The following ITGA7 variants were observed in gnomAD, a reference collection of about 807,000 sequenced individuals.
ITGA7 encodes the protein integrin subunit alpha 7.
Under a neutral mutation model 131.6 loss-of-function variants are expected in ITGA7, and 84 were observed. That is an observed-to-expected ratio of 0.64 (90% confidence interval 0.54 to 0.77). ITGA7 has a LOEUF of 0.77. Ranked by LOEUF, ITGA7 falls within the 30% of genes least tolerant of loss-of-function variation. The pLI is 0.00. For missense variants in ITGA7, 1,399 were observed against 1,482.9 expected (o/e 0.94, Z 0.93); for synonymous variants, 548 against 600.7 (o/e 0.91, Z 1.28).
intron 1 of ITGA7, among the ~76,000 whole-genome samples, chr12:55,706,527 C>T (rs915258413): frequency 6.6e-6 from 1 of 152,042 alleles, no homozygotes; most frequent in Non-Finnish European, 1.5e-5. Flanking sequence ...GAGAAAAGCC[C>T]CCTAGCAGGA....
chr12:55,699,409 C>A (rs905576940), intron 5 of ITGA7: 6 of 283,978 alleles, frequency 2.1e-5, no homozygotes, highest in African/African-American at 8.8e-5. Flanking sequence ...GAGGGGGAGA[C>A]AAGGGGGAGT....
rs148089212 is a variant in ITGA7, at chr12:55,701,973, TAGAG to T, written c.415-823_415-820del. Among the ~76,000 whole-genome samples, 1,320 of 151,384 alleles carry T rather than the reference TAGAG, an allele frequency of 8.7e-3. 17 individuals are homozygous for T. The highest frequency in any genetic ancestry group is 0.03 in the African/African-American group (1,260 of 41,348). On this transcript the variant is annotated intron_variant, in intron 3 of 24. Transcript: ENST00000257879. ...TGTATCTATGCGTGTTACTGAAAGA[TAGAG>T]AGAGAGAGAGAAACAGAGAGCTCTG...
At chr12:55,687,647 C>T (rs948938288) in intron 24 of ITGA7, among the ~76,000 whole-genome samples, 10 of 151,792 alleles carry the variant, frequency 6.6e-5, no homozygotes, top group Non-Finnish European at 4.4e-5. Context: ...CGTGCCACCA[C>T]GCCCAGCTAA....
At chr12:55,715,953 T>A (rs898372794), upstream of ITGA7, 2 of 1,392,398 alleles carry the variant, frequency 1.4e-6, no homozygotes, top group Non-Finnish European at 1.9e-6. Context: ...ACACTTCACC[T>A]GCCCTCCGCA....
intron 1 of ITGA7, among the ~76,000 whole-genome samples, chr12:55,706,718 C>T (rs1375789329): frequency 6.6e-6 from 1 of 152,192 alleles, no homozygotes; most frequent in Non-Finnish European, 1.5e-5. Context: ...TCCTCCTGGC[C>T]CTTCCCAGCT....
intron 24 of ITGA7, chr12:55,686,226 T>C: frequency 7.4e-7 from 1 of 1,350,492 alleles, no homozygotes; most frequent in Non-Finnish European, 9.8e-7. Flanking sequence ...ACCCCCAACT[T>C]CCATGGCTGA....
Position 55,697,027 on chromosome 12 carries a change from G to C in ITGA7, c.1609C>G (p.Arg537Gly). 1 of 1,613,996 alleles carries C rather than the reference G, an allele frequency of 6.2e-7. No homozygotes were observed. Residue 537 changes from arginine to glycine, a missense_variant, in exon 12 of 25, where the codon CGG becomes GGG. Physicochemically the swap from Arg to Gly is moderately radical, Grantham distance 125 (BLOSUM62 -2). Transcript: ENST00000257879. Reference sequence around the variant, plus strand: ...AACGTCACACGGGGAACCTGGCCCCGGAGCCTCCGGTCTGTGTCCGCATCT... The same window carrying C: ...AACGTCACACGGGGAACCTGGCCCCCGAGCCTCCGGTCTGTGTCCGCATCT... ...VLDADTDRRL[R>G]GQVPRVTFLS... is the part of the protein sequence containing the mutation.
intron 21 of ITGA7, among the ~76,000 whole-genome samples, chr12:55,689,609 G>A (rs1319969841): frequency 2.0e-5 from 3 of 152,194 alleles, no homozygotes; most frequent in Non-Finnish European, 4.4e-5. Flanking sequence ...ATCACACCAC[G>A]ATCCAGACAC....
At chr12:55,709,478 C>T (rs1875840446), upstream of ITGA7, among the ~76,000 whole-genome samples, 3 of 152,212 alleles carry the variant, frequency 2.0e-5, no homozygotes, top group Admixed American at 1.3e-4. Context: ...CTATCCCCTC[C>T]AGAGCACTAA....
intron 4 of ITGA7, chr12:55,700,489 T>C (rs1873746407): frequency 6.9e-7 from 1 of 1,443,728 alleles, no homozygotes; most frequent in Non-Finnish European, 9.4e-7. Context: ...AAGCCCTGCC[T>C]CTTCTTTCTA....
Position 55,684,922 on chromosome 12 carries a change from G to T in ITGA7, c.*136C>A. 1.4e-6 allele frequency: 1 copy of T among 696,382 alleles called. No individual in the cohort carries two copies. The highest frequency in any genetic ancestry group is 1.9e-5 in the South Asian group (1 of 52,300). 43.1% of individuals were successfully genotyped at this position (696,382 alleles called of 1,614,324 possible). A position where few individuals can be genotyped will look rare whatever the true frequency, so the allele number is the denominator to read the frequency against. On this transcript the variant is annotated 3_prime_UTR_variant, in exon 25 of 25. Transcript: ENST00000257879. ...GGAGGAGTTCTTGTGGGTGGGAGAG[G>T]TCTGTGCCCCTGAGGAAGCCGATCC...
In ITGA7 at chr12:55,688,020, A is replaced by T; in HGVS notation, c.3134T>A (p.Val1045Glu). Residue 1045 changes from valine to glutamate, a missense_variant, in exon 24 of 25, where the codon GTA becomes GAA. Physicochemically the swap from Val to Glu is moderately radical, Grantham distance 121. Transcript: ENST00000257879. ...GVPWWVILLA[V>E]LAGLLVLALL... ...TGCTAGCACCAGCAGCCCAGCCAGT[A>T]CAGCCAGGAGGATGACCCACCAGGG... The T allele has an allele frequency of 6.2e-7, 1 of 1,614,200 alleles. No homozygotes were observed. The highest frequency in any genetic ancestry group is 1.1e-5 in the South Asian group (1 of 91,080).
Position 55,698,849 on chromosome 12 carries a change from G to T in ITGA7, c.859C>A (p.Arg287Ser), listed in dbSNP as rs563941470. The change falls in exon 6 of 25, where the codon CGC becomes AGC. Residue 287 changes from arginine (R) to serine (S), a missense_variant. Physicochemically the swap from Arg to Ser is moderately radical, Grantham distance 110 (BLOSUM62 -1). Transcript: ENST00000257879. ...EELSFVAGAP[R>S]ANHKGAVVIL... ...ACCACAGCACCCTTGTGGTTGGCGC[G>T]GGGGGCTCCAGCCACAAAGCTCAGC... 6 of 1,613,514 alleles carry T rather than the reference G, an allele frequency of 3.7e-6. No homozygotes were observed. The Admixed American group carries it at 1.0e-4, about 27-fold the overall frequency.
intron 21 of ITGA7, among the ~76,000 whole-genome samples, chr12:55,691,698 G>C (rs987450196): frequency 6.6e-6 from 1 of 152,174 alleles, no homozygotes; most frequent in Non-Finnish European, 1.5e-5. Flanking sequence ...AATCGGTCAC[G>C]TGGAGAAGGG....
upstream of ITGA7, among the ~76,000 whole-genome samples, chr12:55,714,790 A>G (rs1417073416): frequency 6.6e-6 from 1 of 151,084 alleles, no homozygotes; most frequent in Non-Finnish European, 1.5e-5. Flanking sequence ...ACATACATAT[A>G]TACATACATA....
intron 13 of ITGA7, 103 bp from the exon 14 acceptor site, chr12:55,695,740 C>G: frequency 1.2e-6 from 1 of 800,114 alleles, no homozygotes. Context: ...GATTAAACAA[C>G]CTGTCCTCAA....
chr12:55,701,277 G>A, intron 3 of ITGA7, 123 bp from the exon 4 acceptor site: 1 of 1,573,462 alleles, frequency 6.4e-7, no homozygotes, highest in East Asian at 2.2e-5. Context: ...ACATGCACAT[G>A]CACACATACA....
chr12:55,689,734 T>C (rs1194322631), intron 21 of ITGA7, among the ~76,000 whole-genome samples: 1 of 152,236 alleles, frequency 6.6e-6, no homozygotes, highest in East Asian at 1.9e-4. Context: ...TCTGCCTTTT[T>C]AGTAAAAGAA....
chr12:55,706,816 C>T (rs1447479726), intron 1 of ITGA7, among the ~76,000 whole-genome samples: 3 of 152,188 alleles, frequency 2.0e-5, no homozygotes, highest in Admixed American at 2.0e-4. Flanking sequence ...CTCACTGCTA[C>T]AGCTGCTGCG....
Sources: allele counts gnomAD v4.1 joint callset (sites outside exome capture counted in the v4.1 genomes callset), GRCh38; gene constraint gnomAD v4.1.1; transcripts MANE v1.5; gene names NCBI Gene and HGNC (gene_info 2026-07-23, HGNC 2026-07-21).